C10orf53: variants seen among roughly 807,000 people sequenced by gnomAD.
C10orf53 encodes chromosome 10 open reading frame 53.
A neutral mutation model predicts 9.4 loss-of-function variants in C10orf53; 8 were observed. The observed-to-expected ratio is 0.85, with a 90% confidence interval of 0.50 to 1.53. C10orf53 has a LOEUF of 1.53. Ranked by LOEUF, C10orf53 falls within the 40% of genes most tolerant of loss-of-function variation. C10orf53 has a pLI of 0.00. For missense variants in C10orf53, 117 were observed against 117.8 expected (o/e 0.99, Z 0.03); for synonymous variants, 48 against 46.0 (o/e 1.04, Z -0.18).
intron 1 of C10orf53, among the ~76,000 whole-genome samples, chr10:49,685,130 A>T (rs572861407): frequency 6.6e-6 from 1 of 152,264 alleles, no homozygotes; most frequent in Admixed American, 6.5e-5. Flanking sequence ...AAACACACAC[A>T]TACACACACA....
chr10:49,692,637 C>T (rs575264987), intron 1 of C10orf53, among the ~76,000 whole-genome samples: 68 of 152,294 alleles, frequency 4.5e-4, no homozygotes, highest in Non-Finnish European at 8.2e-4. Context: ...AGGTAATGAT[C>T]GGCACACCCA....
intron 1 of C10orf53, among the ~76,000 whole-genome samples, chr10:49,684,124 C>T (rs1027375653): frequency 2.3e-4 from 35 of 152,188 alleles, no homozygotes; most frequent in African/African-American, 8.2e-4. Flanking sequence ...ATTGAATGGT[C>T]TTCGCACCCA....
intron 2 of C10orf53, among the ~76,000 whole-genome samples, chr10:49,705,315 G>T (rs1214528000): frequency 6.6e-6 from 1 of 152,130 alleles, no homozygotes; most frequent in African/African-American, 2.4e-5. Context: ...ATGAGCAGGA[G>T]ATCTTTCACT....
Position 49,709,383 on chromosome 10 carries a change from G to A in C10orf53, c.*766G>A, listed in dbSNP as rs113006089. ...AGCAAGGTTAATGGGGTAAGCTGCC[G>A]TTTCTGGCCTCGGCAGCATGACCAT... On this transcript the variant is annotated 3_prime_UTR_variant, in exon 3 of 3. Coordinates refer to the C10orf53 transcript ENST00000374112. 1,444 of 152,342 alleles carry A rather than the reference G, an allele frequency of 9.5e-3. 10 individuals carry two copies. Among genetic ancestry groups the A allele is most frequent in the South Asian group, 0.018 (86 of 4,816 alleles). 9.4% of individuals were successfully genotyped at this position (152,342 alleles called of 1,614,324 possible).
chr10:49,693,957 A>G, intron 2 of C10orf53, 64 bp downstream of exon 2: 1 of 1,603,622 alleles, frequency 6.2e-7, no homozygotes, highest in Non-Finnish European at 8.5e-7. Context: ...CTCAATTTCT[A>G]GTTGAAATGA....
rs1253800960 is a variant in C10orf53 at position 49,679,791 on chromosome 10, C to T, written c.94C>T (p.Gln32Ter). 7.2e-6 allele frequency: 11 copies of T among 1,535,442 alleles called. No homozygotes were observed. The highest frequency in any genetic ancestry group is 2.0e-5 in the Admixed American group (1 of 49,908). Reference sequence around the variant, plus strand: ...CCACACCTTCCGCCTGCAGGGCCTGCAAGGTGGGCCTCCTCGCCGCGTGCG... The same window carrying T: ...CCACACCTTCCGCCTGCAGGGCCTGTAAGGTGGGCCTCCTCGCCGCGTGCG... ...EHHTFRLQGLQAVLAIDGHEV... is the reference protein window; with the variant it reads ...EHHTFRLQGL The change falls in exon 1 of 3, where the codon CAA becomes TAA. Residue 32 changes from glutamine to a stop codon, truncating the protein, a stop_gained. Transcript: ENST00000374111. LOFTEE classifies it high-confidence loss of function.
At position 49,697,074 on chromosome 10, in the gene C10orf53, T is replaced by A. The variant is rs1029047208; in HGVS notation, c.*2472T>A. ...CAGGCCTGGTGGCATGCACCTGTAG[T>A]CCCAGCTACTTGAGGGGCTGAGGCA... On this transcript the variant is annotated 3_prime_UTR_variant, in exon 3 of 3. Coordinates refer to ENST00000374111, the MANE Select transcript of C10orf53 (RefSeq NM_001042427.3). Among the ~76,000 whole-genome samples, 1 of 152,052 alleles carries A rather than the reference T, an allele frequency of 6.6e-6. No individual in the cohort carries two copies.
downstream of C10orf53, among the ~76,000 whole-genome samples, chr10:49,699,190 C>CTTTTTTTTTTT (rs67695235): frequency 7.7e-3 from 501 of 64,892 alleles, 120 homozygotes; most frequent in South Asian, 0.017. Flanking sequence ...GTGGCTCAAT[C>CTTTTTTTTTTT]TTTTTTTTTT....
At chr10:49,703,972 A>C (rs998259279) in intron 2 of C10orf53, among the ~76,000 whole-genome samples, 2 of 152,214 alleles carry the variant, frequency 1.3e-5, no homozygotes, top group Non-Finnish European at 1.5e-5. Flanking sequence ...GCTCATTCTT[A>C]AAATGTGGTT....
Position 49,693,867 on chromosome 10 carries a change from A to C in C10orf53, c.191A>C (p.His64Pro). 6.2e-7 allele frequency: 1 copy of C among 1,614,274 alleles called. No homozygotes were observed. The highest frequency in any genetic ancestry group is 8.5e-7 in the Non-Finnish European group (1 of 1,180,046). Residue 64 changes from histidine (H) to proline (P), a missense_variant, in exon 2 of 3, where the codon CAC (histidine) becomes CCC (proline). His to Pro is a moderately conservative substitution (Grantham distance 77). Transcript: ENST00000374111. ...ELMVNEEVIF[H>P]CNIKDLEFGG... ...ATGGTGAATGAAGAAGTCATCTTCC[A>C]CTGCAACATTAAGGACTTGGAGTTC...
downstream of C10orf53, among the ~76,000 whole-genome samples, chr10:49,702,491 G>A (rs1350441873): frequency 6.6e-6 from 1 of 152,170 alleles, no homozygotes; most frequent in Non-Finnish European, 1.5e-5. Context: ...AGTGAAAGGT[G>A]GGATTTGGAG....
chr10:49,698,736 G>C (rs1468880491), downstream of C10orf53, among the ~76,000 whole-genome samples: 2 of 152,170 alleles, frequency 1.3e-5, no homozygotes, highest in Admixed American at 1.3e-4. Context: ...TGAGACAGTG[G>C]TGTAATCAGG....
At chr10:49,701,647 G>A (rs569643990), downstream of C10orf53, among the ~76,000 whole-genome samples, 1 of 152,256 alleles carries the variant, frequency 6.6e-6, no homozygotes, top group South Asian at 2.1e-4. Context: ...TGTGTTCTCT[G>A]GTTGACAAAC....
At chr10:49,708,830 G>A (rs1840741881) in exon 3 of C10orf53, 1 of 669,914 alleles carries the variant, frequency 1.5e-6, no homozygotes, top group African/African-American at 1.8e-5. Flanking sequence ...GTATTCCCGT[G>A]TTGAAGTTAT....
At chr10:49,709,105 T>C in exon 3 of C10orf53, 1 of 162,840 alleles carries the variant, frequency 6.1e-6, no homozygotes, top group Non-Finnish European at 1.3e-5. Context: ...CATTTATTTT[T>C]TGGCTTTCCA....
In C10orf53 at chr10:49,682,172, G is replaced by T. The variant is rs529067523; in HGVS notation, c.97+2378G>T. On this transcript the variant is annotated intron_variant, in intron 1 of 2. Transcript: ENST00000374111. ...CAGTGACATTAATTATCTTTACAAT[G>T]TTGTGGAACCATCACTATTCTCTCT... Among the ~76,000 whole-genome samples, 3 of 152,296 alleles carry T rather than the reference G, an allele frequency of 2.0e-5. No homozygotes were observed. The East Asian group carries it at 5.8e-4, about 29-fold the overall frequency.
At chr10:49,692,804 A>G (rs979624548) in intron 1 of C10orf53, among the ~76,000 whole-genome samples, 2 of 152,226 alleles carry the variant, frequency 1.3e-5, no homozygotes, top group East Asian at 1.9e-4. Context: ...CAATTATTCC[A>G]TAACTGTTCT....
intron 1 of C10orf53, among the ~76,000 whole-genome samples, chr10:49,683,305 T>C (rs1325528081): frequency 6.6e-6 from 1 of 152,232 alleles, no homozygotes; most frequent in Non-Finnish European, 1.5e-5. Flanking sequence ...CATGTGCTTA[T>C]TGGCCATTTG....
In C10orf53 at chr10:49,695,336, T is replaced by C. The variant is rs1840624960; in HGVS notation, c.*734T>C. The C allele has an allele frequency of 6.6e-6, 1 of 152,226 alleles. No homozygotes were observed. 9.4% of individuals were successfully genotyped at this position (152,226 alleles called of 1,614,324 possible). ...CTATGTTCAGTGTGAAAATCAGTCA[T>C]GTCGAAATGATATTTTTACTTTCCA... On this transcript the variant is annotated 3_prime_UTR_variant, in exon 3 of 3. Transcript: ENST00000374111.
Sources: gnomAD v4.1 joint callset for allele counts (sites outside exome capture counted in the v4.1 genomes callset) on GRCh38, gnomAD v4.1.1 for gene constraint, MANE v1.5 for transcripts, NCBI Gene and HGNC (gene_info 2026-07-23, HGNC 2026-07-21) for gene names.